The following SPATA6 variants were observed in gnomAD, a reference collection of about 807,000 sequenced individuals.
SPATA6 encodes the protein spermatogenesis-associated protein 6.
A neutral mutation model predicts 65.3 loss-of-function variants in SPATA6; 56 were observed. The observed-to-expected ratio is 0.86, with a 90% CI of 0.69 to 1.07. The LOEUF is 1.07. Ranked by LOEUF, SPATA6 falls within the 50% of genes least tolerant of loss-of-function variation. The pLI is 0.00. For synonymous variants in SPATA6, 199 were observed against 213.2 expected (o/e 0.93, Z 0.58); for missense variants, 590 against 594.8 (o/e 0.99, Z 0.08).
rs140318122 is a variant in SPATA6 at position 48,413,419 on chromosome 1, A to G, written c.239-268T>C. On this transcript the variant is annotated intron_variant, in intron 3 of 12. Coordinates refer to ENST00000371847, the MANE Select transcript of SPATA6 (RefSeq NM_019073.4). ...ATTCCCCTGCCTCAGCCTCCCGAGT[A>G]GCTGGGACTACAGGTATGCGCCACC... Among the ~76,000 whole-genome samples the G allele has an allele frequency of 5.9e-3, 870 of 148,320 alleles. 4 individuals are homozygous for G. The highest frequency in any genetic ancestry group is 0.011 in the Non-Finnish European group (715 of 67,352).
At chr1:48,375,416 A>G (rs963230140) in intron 9 of SPATA6, among the ~76,000 whole-genome samples, 3 of 152,196 alleles carry the variant, frequency 2.0e-5, no homozygotes, top group African/African-American at 7.2e-5. Flanking sequence ...AGCCAGGCCC[A>G]AAGACTCACA....
chr1:48,318,535 A>T (rs1332994563), intron 11 of SPATA6, among the ~76,000 whole-genome samples: 1 of 152,172 alleles, frequency 6.6e-6, no homozygotes. Flanking sequence ...TAGCATCAAA[A>T]ATAACAAAAT....
intron 1 of SPATA6, among the ~76,000 whole-genome samples, chr1:48,469,083 T>G (rs539458341): frequency 1.6e-4 from 25 of 152,324 alleles, no homozygotes; most frequent in Non-Finnish European, 3.4e-4. Context: ...TCCTCCTGCC[T>G]CAGTCCCCTG....
At chr1:48,438,075 C>T (rs1040382973) in intron 3 of SPATA6, among the ~76,000 whole-genome samples, 3 of 152,048 alleles carry the variant, frequency 2.0e-5, no homozygotes, top group South Asian at 2.1e-4. Flanking sequence ...AGCGGCAACC[C>T]GCTCAGGTCC....
chr1:48,342,160 C>T (rs529816099), intron 11 of SPATA6, among the ~76,000 whole-genome samples: 1 of 152,258 alleles, frequency 6.6e-6, no homozygotes, highest in Admixed American at 6.5e-5. Context: ...ACAATTCTCA[C>T]CTCTGCTGTT....
chr1:48,382,561 G>A (rs1395902787), intron 9 of SPATA6, among the ~76,000 whole-genome samples: 778 of 101,854 alleles, frequency 7.6e-3, no homozygotes, highest in Non-Finnish European at 0.01. Context: ...CTCACCTCCC[G>A]GACGGGGCGG....
chr1:48,273,391 G>A, the SPATA6 span, among the ~76,000 whole-genome samples: 1 of 152,046 alleles, frequency 6.6e-6, no homozygotes, highest in Non-Finnish European at 1.5e-5. Context: ...TGTGTAGAAT[G>A]TGCAGGTTTG....
chr1:48,363,821 T>C (rs1646900972), intron 9 of SPATA6, among the ~76,000 whole-genome samples: 1 of 151,882 alleles, frequency 6.6e-6, no homozygotes, highest in African/African-American at 2.4e-5. Flanking sequence ...ATTATTATAC[T>C]TTAAGTTTTA....
chr1:48,363,796 T>A (rs913502331), intron 9 of SPATA6, among the ~76,000 whole-genome samples: 1 of 151,612 alleles, frequency 6.6e-6, no homozygotes, highest in Admixed American at 6.6e-5. Flanking sequence ...TTTTATTTTT[T>A]AAATTTATTT....
At chr1:48,330,191 T>C (rs11205473) in intron 11 of SPATA6, among the ~76,000 whole-genome samples, 2,243 of 152,076 alleles carry the variant, frequency 0.015, 47 homozygotes, top group African/African-American at 0.05. Context: ...AGCTGGACAA[T>C]GCTTACTAGA....
chr1:48,409,345 C>A (rs1410285745), intron 5 of SPATA6, among the ~76,000 whole-genome samples: 1 of 152,256 alleles, frequency 6.6e-6, no homozygotes, highest in Non-Finnish European at 1.5e-5. Context: ...TTCCCATGGT[C>A]TTGGGCAGCT....
chr1:48,424,511 G>C (rs967559929), intron 3 of SPATA6, among the ~76,000 whole-genome samples: 10 of 152,174 alleles, frequency 6.6e-5, no homozygotes, highest in Admixed American at 1.3e-4. Flanking sequence ...TCAGCAGTGG[G>C]ATTGCTGGAT....
the SPATA6 span, among the ~76,000 whole-genome samples, chr1:48,269,286 T>G: frequency 2.6e-5 from 4 of 152,180 alleles, no homozygotes; most frequent in Non-Finnish European, 5.9e-5. Context: ...ATGAACACCA[T>G]GCATTGTACT....
intron 1 of SPATA6, among the ~76,000 whole-genome samples, chr1:48,470,750 A>G (rs1658178119): frequency 6.6e-6 from 1 of 152,134 alleles, no homozygotes; most frequent in Non-Finnish European, 1.5e-5. Context: ...GGTTAAGTGG[A>G]GCCTGGCCAG....
At chr1:48,364,287 C>A (rs1646921791) in intron 9 of SPATA6, among the ~76,000 whole-genome samples, 1 of 152,110 alleles carries the variant, frequency 6.6e-6, no homozygotes, top group Non-Finnish European at 1.5e-5. Flanking sequence ...TTTATAGAAG[C>A]ATGATTTATA....
rs762387446 is a variant in SPATA6, at chr1:48,359,769, A to C, written c.911T>G (p.Val304Gly). Reference sequence around the variant, plus strand: ...GTCTCTCCCATGGGGTGTCCTGATAACCTGTTTTAAAAATTATATACATAT... The same window carrying C: ...GTCTCTCCCATGGGGTGTCCTGATACCCTGTTTTAAAAATTATATACATAT... ...LGCCRPKDYKVIRTPHGRDFD... is the reference protein window; with the variant it reads ...LGCCRPKDYKGIRTPHGRDFD... Residue 304 changes from valine (V) to glycine (G), a missense_variant and splice_region_variant, in exon 10 of 13, where the codon GTT (valine) becomes GGT (glycine). By Grantham distance (109) the Val-to-Gly change is moderately radical (BLOSUM62 -3). Transcript: ENST00000371847. The C allele has an allele frequency of 6.2e-7, 1 of 1,603,958 alleles. No individual in the cohort carries two copies. Among genetic ancestry groups the C allele is most frequent in the African/African-American group, 1.3e-5 (1 of 74,512 alleles).
rs189175364 is a variant in SPATA6 at position 48,423,601 on chromosome 1, G to C, written c.239-10450C>G. On this transcript the variant is annotated intron_variant, in intron 3 of 12. Transcript: ENST00000371847. ...TTTTTTTTGTCACACAGGCTGGAGA[G>C]CAATGGCACAATCTCGGCTCACTGC... 8.7e-3 allele frequency among the ~76,000 whole-genome samples: 1,189 copies of C among 137,192 alleles called. 20 individuals carry two copies. Among genetic ancestry groups the C allele is most frequent in the African/African-American group, 0.032 (1,151 of 36,016 alleles). 90.0% of individuals were successfully genotyped at this position (137,192 alleles called of 152,430 possible).
At chr1:48,300,264 C>T (rs1347461132) in intron 12 of SPATA6, among the ~76,000 whole-genome samples, 1 of 151,848 alleles carries the variant, frequency 6.6e-6, no homozygotes, top group East Asian at 1.9e-4. Flanking sequence ...AATAATTGAC[C>T]TTCTTCAAGG....
At chr1:48,471,459 C>G (rs2148218589) in intron 1 of SPATA6, among the ~76,000 whole-genome samples, 2 of 152,224 alleles carry the variant, frequency 1.3e-5, no homozygotes, top group Middle Eastern at 6.8e-3. Context: ...GAAGATTCTC[C>G]TTCGAAGACA....
Sources: gnomAD v4.1 joint callset for allele counts (sites outside exome capture counted in the v4.1 genomes callset) on GRCh38, gnomAD v4.1.1 for gene constraint, MANE v1.5 for transcripts, NCBI Gene and HGNC (gene_info 2026-07-23, HGNC 2026-07-21) for gene names.